Variants in TMEM255B observed in about 807,000 individuals in gnomAD.
TMEM255B encodes family with sequence similarity 70, member B.
Under a neutral mutation model 34.5 loss-of-function variants are expected in TMEM255B, and 35 were observed. That is an observed-to-expected ratio of 1.01 (90% CI 0.77 to 1.34). TMEM255B has a LOEUF of 1.34. Among genes scored for constraint, TMEM255B ranks in the 40% most tolerant of loss-of-function variants. The pLI, the probability that TMEM255B is intolerant of heterozygous loss-of-function variation, is 0.00. For missense variants in TMEM255B, 432 were observed against 433.2 expected (o/e 1.00, Z 0.02); for synonymous variants, 206 against 201.2 (o/e 1.02, Z -0.20).
Position 113,811,859 on chromosome 13 carries a change from A to G in TMEM255B, c.937A>G (p.Thr313Ala). ...PGQAPPCYAP[T>A]YFPPGEKPPP... ...CCAGGCTCCACCGTGCTACGCACCCACCTACTTTCCCCCGGGGGAGAAGCC... is the reference window on the plus strand; with the variant it reads ...CCAGGCTCCACCGTGCTACGCACCCGCCTACTTTCCCCCGGGGGAGAAGCC... Residue 313 changes from threonine (T) to alanine (A), a missense_variant, in exon 9 of 9, where the codon ACC (threonine) becomes GCC (alanine). Transcript: ENST00000375353. The G allele has an allele frequency of 6.2e-7, 1 of 1,613,102 alleles. No homozygotes were observed. The highest frequency in any genetic ancestry group is 2.2e-5 in the East Asian group (1 of 44,832).
At chr13:113,799,917 C>G in intron 5 of TMEM255B, 1 of 1,271,946 alleles carries the variant, frequency 7.9e-7, no homozygotes, top group South Asian at 1.2e-5. Flanking sequence ...GTGTGTCTCG[C>G]ACCTGCCCTG....
At position 113,808,769 on chromosome 13, in the gene TMEM255B, T is replaced by C. The variant is rs1462083453; in HGVS notation, c.814-2967T>C. 6.2e-5 allele frequency among the ~76,000 whole-genome samples: 6 copies of C among 96,692 alleles called. No individual in the cohort carries two copies. The South Asian group carries it at 2.5e-3, about 40-fold the overall frequency. The allele number at this position is 96,692 out of a possible 152,430, so 63.4% of individuals were successfully genotyped here. ...CTTTGGGGTTTAACTCTGTGGTTTC[T>C]GGCGGTGTAACTCTGTGGTTCCTGG... On this transcript the variant is annotated intron_variant, in intron 8 of 8. Transcript: ENST00000375353.
intron 1 of TMEM255B, among the ~76,000 whole-genome samples, chr13:113,761,560 G>T (rs1201837617): frequency 6.6e-6 from 1 of 152,154 alleles, no homozygotes; most frequent in Non-Finnish European, 1.5e-5. Flanking sequence ...GTAGCTGTTG[G>T]CCCCTTCAGC....
chr13:113,782,733 G>A (rs565500901), intron 3 of TMEM255B, among the ~76,000 whole-genome samples: 2 of 152,058 alleles, frequency 1.3e-5, no homozygotes, highest in Non-Finnish European at 2.9e-5. Flanking sequence ...GTTGGGAGCC[G>A]TCCATTTTCC....
intron 3 of TMEM255B, among the ~76,000 whole-genome samples, chr13:113,771,080 T>G (rs958198927): frequency 2.0e-5 from 3 of 152,168 alleles, no homozygotes; most frequent in Non-Finnish European, 4.4e-5. Context: ...TTCCCAGATA[T>G]GTGAACCATC....
intron 1 of TMEM255B, among the ~76,000 whole-genome samples, chr13:113,762,868 T>C (rs956513711): frequency 1.3e-5 from 2 of 152,242 alleles, no homozygotes; most frequent in African/African-American, 4.8e-5. Flanking sequence ...CATAATATTA[T>C]ATGCATGCAG....
chr13:113,776,296 G>T (rs1020420680), intron 3 of TMEM255B, among the ~76,000 whole-genome samples: 1 of 152,234 alleles, frequency 6.6e-6, no homozygotes, highest in African/African-American at 2.4e-5. Context: ...ACGGAAACTA[G>T]GTCTAGTTAC....
chr13:113,763,824 G>A (rs1262169769), intron 1 of TMEM255B, among the ~76,000 whole-genome samples: 1 of 152,152 alleles, frequency 6.6e-6, no homozygotes, highest in South Asian at 2.1e-4. Flanking sequence ...ACCTTTTCCA[G>A]TCCAACGAGG....
intron 3 of TMEM255B, among the ~76,000 whole-genome samples, chr13:113,782,678 G>A (rs61275480): frequency 0.048 from 7,287 of 151,408 alleles, 579 homozygotes; most frequent in African/African-American, 0.17. Context: ...TGGTCGGAGG[G>A]GGGGGCTTCA....
intron 8 of TMEM255B, 32 bp downstream of exon 8, chr13:113,805,060 G>A (rs367683715): frequency 1.5e-5 from 23 of 1,569,994 alleles, no homozygotes; most frequent in African/African-American, 1.1e-4. Context: ...GGAGTTGGAC[G>A]CGCTGGTCAC....
At chr13:113,788,386 G>T (rs1344460527) in intron 3 of TMEM255B, among the ~76,000 whole-genome samples, 2 of 146,830 alleles carry the variant, frequency 1.4e-5, no homozygotes, top group East Asian at 2.1e-4. Flanking sequence ...GAAGGCGGAG[G>T]GGGTGGGGAT....
chr13:113,763,650 A>C (rs1156958201), intron 1 of TMEM255B, among the ~76,000 whole-genome samples: 1 of 152,232 alleles, frequency 6.6e-6, no homozygotes, highest in Admixed American at 6.5e-5. Flanking sequence ...CTACTTGTTA[A>C]TTTAGGTTAC....
chr13:113,766,170 G>C lies in TMEM255B; in HGVS notation c.102G>C (p.Leu34=), dbSNP rs764992235. Residue 34 remains leucine (L), a synonymous_variant, in exon 2 of 9, where the codon CTG becomes CTC. Coordinates refer to ENST00000375353, the MANE Select transcript of TMEM255B (RefSeq NM_182614.4). Reference sequence around the variant, plus strand: ...TCTGGTTTGTGGGGTCTCTGCTGCTGGTGTCCGTCCTCATAGTCACCGTCG... The same window carrying C: ...TCTGGTTTGTGGGGTCTCTGCTGCTCGTGTCCGTCCTCATAGTCACCGTCG... The part of the protein sequence containing the change: ...TSLWFVGSLL[L]VSVLIVTVGL... 1.2e-6 allele frequency: 2 copies of C among 1,614,224 alleles called. No homozygotes were observed. The highest frequency in any genetic ancestry group is 1.3e-5 in the African/African-American group (1 of 75,060).
intron 1 of TMEM255B, among the ~76,000 whole-genome samples, chr13:113,761,639 G>A (rs7490802): frequency 0.23 from 34,746 of 152,142 alleles, 4,662 homozygotes; most frequent in Middle Eastern, 0.35. Flanking sequence ...CCGCTACGCC[G>A]TCTTAAAGTT....
In TMEM255B at chr13:113,805,132, A is replaced by C. The variant is rs75248229; in HGVS notation, c.813+104A>C. The stretch of plus-strand genomic sequence containing the variant: ...GGGGATGAGGTCTTGCAGCCGCCTC[A>C]CCTTCTGGATTAGGGATGGGAGGTG... On this transcript the variant is annotated intron_variant, in intron 8 of 8. Transcript: ENST00000375353. 6 of 1,303,388 alleles carry C rather than the reference A, an allele frequency of 4.6e-6. No homozygotes were observed. The South Asian group carries it at 5.1e-5, about 11-fold the overall frequency. 80.7% of individuals were successfully genotyped at this position (1,303,388 alleles called of 1,614,324 possible).
Position 113,800,931 on chromosome 13 carries a change from C to A in TMEM255B, c.509+19C>A, listed in dbSNP as rs1317107559. On this transcript the variant is annotated intron_variant, in intron 6 of 8. Transcript: ENST00000375353. ...GCGGGAGGTGAGGGGCACCGGGGAC[C>A]CCCATATCTACACCTGCGGGAGGTG... The A allele has an allele frequency of 2.5e-6, 3 of 1,190,456 alleles. No individual in the cohort carries two copies. Among genetic ancestry groups the A allele is most frequent in the Non-Finnish European group, 3.4e-6 (3 of 878,080 alleles). 73.7% of individuals were successfully genotyped at this position (1,190,456 alleles called of 1,614,324 possible).
intron 1 of TMEM255B, chr13:113,761,116 A>T: frequency 1.1e-6 from 1 of 909,728 alleles, no homozygotes; most frequent in Non-Finnish European, 1.3e-6. Flanking sequence ...TTACAGTTTT[A>T]CCTGGGATTG....
chr13:113,794,672 A>G lies in TMEM255B; in HGVS notation c.253-476A>G, dbSNP rs1025044180. ...GCAAGAAATTGCCAACTGTTTAACT[A>G]TCCATCAGAGTGCACTGGTTAACTA... is the stretch of plus-strand genomic sequence containing the variant. On this transcript the variant is annotated intron_variant, in intron 3 of 8. Coordinates refer to ENST00000375353, the MANE Select transcript of TMEM255B (RefSeq NM_182614.4). Among the ~76,000 whole-genome samples, 12 of 152,224 alleles carry G rather than the reference A, an allele frequency of 7.9e-5. No individual in the cohort carries two copies. The South Asian group carries it at 1.9e-3, about 24-fold the overall frequency.
rs1469393413 is a variant in TMEM255B, at chr13:113,811,760, C to A, written c.838C>A (p.Pro280Thr). 5.6e-6 allele frequency: 9 copies of A among 1,613,714 alleles called. No individual in the cohort carries two copies. Among genetic ancestry groups the A allele is most frequent in the South Asian group, 1.1e-5 (1 of 91,078 alleles). ...LQPCSRFPVA[P>T]SSALASSEDL... Reference sequence around the variant, plus strand: ...GCCCTGCAGCCGCTTCCCAGTTGCGCCCTCCTCTGCCCTGGCTTCGTCTGA... The same window carrying A: ...GCCCTGCAGCCGCTTCCCAGTTGCGACCTCCTCTGCCCTGGCTTCGTCTGA... Residue 280 changes from proline to threonine, a missense_variant, in exon 9 of 9, where the codon CCC becomes ACC. Physicochemically the swap from Pro to Thr is conservative, Grantham distance 38 (BLOSUM62 -1). Transcript: ENST00000375353.
Sources: allele counts gnomAD v4.1 joint callset (sites outside exome capture counted in the v4.1 genomes callset), GRCh38; gene constraint gnomAD v4.1.1; transcripts MANE v1.5; gene names NCBI Gene and HGNC (gene_info 2026-07-23, HGNC 2026-07-21).